Variants in NTM observed in about 807,000 individuals in gnomAD.
NTM encodes neurotrimin.
NTM carries 13 observed loss-of-function variants against 42.1 expected under a neutral mutation model. The observed-to-expected ratio is 0.31, with a 90% confidence interval of 0.20 to 0.49. The LOEUF is 0.49. NTM is among the 20% of genes least tolerant of loss of function. The pLI, the probability that NTM is intolerant of heterozygous loss-of-function variation, is 0.99. For synonymous variants in NTM, 187 were observed against 179.2 expected (o/e 1.04, Z -0.35); for missense variants, 373 against 452.8 (o/e 0.82, Z 1.60).
intron 1 of NTM, among the ~76,000 whole-genome samples, chr11:131,376,861 G>A (rs558249463): frequency 7.9e-5 from 12 of 152,150 alleles, no homozygotes; most frequent in African/African-American, 2.9e-4. Context: ...ATTTGCCCAC[G>A]GGTTCAATCA....
chr11:131,510,796 A>G (rs1025594003), intron 1 of NTM, among the ~76,000 whole-genome samples: 4 of 152,084 alleles, frequency 2.6e-5, no homozygotes, highest in African/African-American at 7.2e-5. Context: ...GTTGGAGTCC[A>G]CCGGGTCTGT....
At chr11:132,060,304 G>T (rs1024529690) in intron 2 of NTM, among the ~76,000 whole-genome samples, 2 of 152,196 alleles carry the variant, frequency 1.3e-5, no homozygotes, top group Non-Finnish European at 2.9e-5. Context: ...TGTAGGCAAG[G>T]GGTGCTCCGT....
rs1019047900 is a variant in NTM, at chr11:131,758,264, C to T, written c.83-153300C>T. Reference sequence around the variant, plus strand: ...TAATACAACTTCTGTCTTCCCCCTCCCCCCCGCCAACCCCGCTAGCTAATT... The same window carrying T: ...TAATACAACTTCTGTCTTCCCCCTCTCCCCCGCCAACCCCGCTAGCTAATT... On this transcript the variant is annotated intron_variant, in intron 1 of 8. Coordinates refer to ENST00000683400, the MANE Select transcript of NTM (RefSeq NM_001352005.2). Among the ~76,000 whole-genome samples, 5 of 151,900 alleles carry T rather than the reference C, an allele frequency of 3.3e-5. No individual in the cohort carries two copies. In the East Asian group the frequency reaches 7.8e-4, roughly 24 times the overall value.
At chr11:131,949,232 C>G (rs1365049503) in intron 2 of NTM, among the ~76,000 whole-genome samples, 5 of 152,200 alleles carry the variant, frequency 3.3e-5, no homozygotes, top group Non-Finnish European at 7.3e-5. Flanking sequence ...ACTGCGTTTT[C>G]TTTAATCATT....
At chr11:132,066,951 T>C (rs1824920670) in intron 2 of NTM, among the ~76,000 whole-genome samples, 1 of 141,690 alleles carries the variant, frequency 7.1e-6, no homozygotes, top group South Asian at 2.1e-4. Flanking sequence ...ATGGCTTTTG[T>C]GAAACATTTT....
intron 1 of NTM, among the ~76,000 whole-genome samples, chr11:131,742,085 G>T (rs1043630349): frequency 1.3e-5 from 2 of 152,180 alleles, no homozygotes; most frequent in African/African-American, 2.4e-5. Flanking sequence ...GGTGGAGGCT[G>T]GGAGGTGGGT....
intron 3 of NTM, among the ~76,000 whole-genome samples, chr11:132,157,388 A>G (rs2073404909): frequency 6.6e-6 from 1 of 152,232 alleles, no homozygotes; most frequent in Non-Finnish European, 1.5e-5. Flanking sequence ...GCAATGAGGC[A>G]TCAGCTTTTT....
intron 1 of NTM, among the ~76,000 whole-genome samples, chr11:131,687,083 C>T (rs2073981858): frequency 6.6e-6 from 1 of 152,158 alleles, no homozygotes; most frequent in Non-Finnish European, 1.5e-5. Flanking sequence ...ACTCACCTCA[C>T]TTGCGGGTCA....
intron 1 of NTM, among the ~76,000 whole-genome samples, chr11:131,442,090 G>A (rs534738290): frequency 6.6e-5 from 10 of 152,238 alleles, no homozygotes; most frequent in East Asian, 3.9e-4. Flanking sequence ...CCAATTATGC[G>A]GAGATGATTT....
At chr11:131,521,597 A>G (rs991569838) in intron 1 of NTM, among the ~76,000 whole-genome samples, 12 of 150,720 alleles carry the variant, frequency 8.0e-5, no homozygotes, top group Non-Finnish European at 1.5e-4. Context: ...CCGTAGGGGG[A>G]CTCTTGTGGG....
intron 2 of NTM, among the ~76,000 whole-genome samples, chr11:132,099,226 A>C (rs1053585375): frequency 3.3e-5 from 5 of 152,180 alleles, no homozygotes; most frequent in Non-Finnish European, 7.3e-5. Flanking sequence ...CTTGAGCTGT[A>C]GGTAGTTGGC....
chr11:131,382,390 T>A (rs1331430920), intron 1 of NTM, among the ~76,000 whole-genome samples: 2 of 152,168 alleles, frequency 1.3e-5, no homozygotes, highest in African/African-American at 2.4e-5. Flanking sequence ...TAATTGAGTA[T>A]AGGTAATTTC....
chr11:131,809,560 T>C (rs768296941), intron 1 of NTM, among the ~76,000 whole-genome samples: 1 of 152,192 alleles, frequency 6.6e-6, no homozygotes, highest in Admixed American at 6.5e-5. Context: ...TCAAACTGTG[T>C]TTGAACACAG....
At chr11:131,947,084 A>C (rs2060426152) in intron 2 of NTM, among the ~76,000 whole-genome samples, 1 of 152,230 alleles carries the variant, frequency 6.6e-6, no homozygotes, top group African/African-American at 2.4e-5. Context: ...GCTGGTGAGT[A>C]GTGGGGTGTT....
At chr11:131,561,955 C>T (rs569243413) in intron 1 of NTM, among the ~76,000 whole-genome samples, 32 of 152,292 alleles carry the variant, frequency 2.1e-4, no homozygotes, top group African/African-American at 6.3e-4. Context: ...AGAGAAGAGG[C>T]GACTGAATAA....
rs1426486645 is a variant in NTM at position 131,892,627 on chromosome 11, C to A, written c.83-18937C>A. ...CATGGTGCGGGATGGCCACATGCTG[C>A]CCTCTTGTTAACAGACTTGAGGGTG... On this transcript the variant is annotated intron_variant, in intron 1 of 8. Transcript: ENST00000683400. 2.0e-5 allele frequency among the ~76,000 whole-genome samples: 3 copies of A among 152,248 alleles called. No individual in the cohort carries two copies. In the East Asian group the frequency reaches 5.8e-4, roughly 29 times the overall value.
intron 1 of NTM, among the ~76,000 whole-genome samples, chr11:131,896,334 T>A (rs1592656273): frequency 6.6e-6 from 1 of 152,230 alleles, no homozygotes; most frequent in East Asian, 1.9e-4. Context: ...TAGAAAATGA[T>A]TGATAATAAT....
rs143489637 is a variant in NTM at position 131,820,885 on chromosome 11, T to C, written c.83-90679T>C. 2.6e-3 allele frequency among the ~76,000 whole-genome samples: 394 copies of C among 152,260 alleles called. 3 individuals carry two copies. The highest frequency in any genetic ancestry group is 9.1e-3 in the African/African-American group (378 of 41,546). On this transcript the variant is annotated intron_variant, in intron 1 of 8. Transcript: ENST00000683400. ...AAGGTGTCTCCATTCATTTTGCTAT[T>C]ACAAACGCGGCCACTATGAGTATTT... is the stretch of plus-strand genomic sequence containing the variant.
intron 2 of NTM, among the ~76,000 whole-genome samples, chr11:132,004,614 TC>T (rs2070303193): frequency 7.1e-6 from 1 of 141,100 alleles, no homozygotes. Flanking sequence ...TTTCTCTCTC[TC>T]TCTCTCTCTC....
Sources: gnomAD v4.1 joint callset for allele counts (sites outside exome capture counted in the v4.1 genomes callset) on GRCh38, gnomAD v4.1.1 for gene constraint, MANE v1.5 for transcripts, NCBI Gene and HGNC (gene_info 2026-07-23, HGNC 2026-07-21) for gene names.